VAV2: variants seen among roughly 807,000 people sequenced by gnomAD.
The protein encoded by VAV2 is vav guanine nucleotide exchange factor 2.
VAV2 carries 67 observed loss-of-function variants against 132.5 expected under a neutral mutation model. That is an observed-to-expected ratio of 0.51 (90% confidence interval 0.42 to 0.62). VAV2 has a LOEUF of 0.62. Ranked by LOEUF, VAV2 falls within the 20% of genes least tolerant of loss-of-function variation. The pLI is 0.00. For missense variants in VAV2, 938 were observed against 1,153.6 expected, an observed-to-expected ratio of 0.81 and a Z score of 2.71; for synonymous variants, 492 against 443.5, an observed-to-expected ratio of 1.11 and a Z score of -1.37.
chr9:133,932,696 G>A (rs990837958), intron 2 of VAV2, among the ~76,000 whole-genome samples: 2 of 147,586 alleles, frequency 1.4e-5, no homozygotes, highest in Non-Finnish European at 1.5e-5. Flanking sequence ...TCCAACTCGC[G>A]TCCAGGTCTG....
Position 133,915,097 on chromosome 9 carries a change from C to T in VAV2, c.321+24006G>A, listed in dbSNP as rs534620495. Among the ~76,000 whole-genome samples the T allele has an allele frequency of 4.6e-5, 7 of 152,200 alleles. No homozygotes were observed. The South Asian group carries it at 8.3e-4, about 18-fold the overall frequency. On this transcript the variant is annotated intron_variant, in intron 2 of 29. Coordinates refer to ENST00000371850, the MANE Select transcript of VAV2 (RefSeq NM_001134398.2). Reference sequence around the variant, plus strand: ...ACAGGCCGCTTGGCCGGAAGAGCACCGGCCTGTTCTCCATTAGTGTCCCCT... The same window carrying T: ...ACAGGCCGCTTGGCCGGAAGAGCACTGGCCTGTTCTCCATTAGTGTCCCCT...
At chr9:133,975,643 G>A (rs561715942) in intron 1 of VAV2, among the ~76,000 whole-genome samples, 11 of 152,324 alleles carry the variant, frequency 7.2e-5, no homozygotes, top group Admixed American at 2.6e-4. Context: ...CAAAGTCTCT[G>A]AGCCCCCAGC....
At chr9:133,849,687 G>A (rs1837090973) in intron 3 of VAV2, among the ~76,000 whole-genome samples, 1 of 152,180 alleles carries the variant, frequency 6.6e-6, no homozygotes, top group Non-Finnish European at 1.5e-5. Context: ...AGGCACTGGG[G>A]GAGGGTCCTT....
chr9:133,808,610 G>A (rs1835242918), intron 7 of VAV2, among the ~76,000 whole-genome samples: 1 of 152,224 alleles, frequency 6.6e-6, no homozygotes, highest in Admixed American at 6.5e-5. Context: ...ACTAGGCCGG[G>A]CCATGCCTTG....
chr9:133,902,243 C>T lies in VAV2; in HGVS notation c.321+36860G>A, dbSNP rs1349526399. On this transcript the variant is annotated intron_variant, in intron 2 of 29. Coordinates refer to ENST00000371850, the MANE Select transcript of VAV2 (RefSeq NM_001134398.2). The stretch of plus-strand genomic sequence containing the variant: ...ATCTGCGTCGGACGTGTGAGGACCA[C>T]GCAGGACAATCCACACAACATGCAC... Among the ~76,000 whole-genome samples, 10 of 152,176 alleles carry T rather than the reference C, an allele frequency of 6.6e-5. No individual in the cohort carries two copies. The East Asian group carries it at 1.7e-3, about 26-fold the overall frequency.
At chr9:133,806,320 C>T (rs1343949649) in intron 8 of VAV2, 139 bp from the exon 9 acceptor site, 8 of 697,358 alleles carry the variant, frequency 1.1e-5, no homozygotes, top group Non-Finnish European at 1.9e-5. Context: ...CACCCCACAT[C>T]TCTGTGCATG....
At chr9:133,899,033 G>A (rs1839335557) in intron 2 of VAV2, among the ~76,000 whole-genome samples, 1 of 151,884 alleles carries the variant, frequency 6.6e-6, no homozygotes, top group African/African-American at 2.4e-5. Flanking sequence ...ACGTTAGCCA[G>A]GATGGTCTCG....
chr9:133,962,576 C>T (rs1032405382), intron 1 of VAV2, among the ~76,000 whole-genome samples: 3 of 152,266 alleles, frequency 2.0e-5, no homozygotes, highest in Admixed American at 1.3e-4. Context: ...CCCACCCAGG[C>T]CTGGCTCCAG....
At chr9:133,892,197 G>A (rs1839005158) in intron 2 of VAV2, among the ~76,000 whole-genome samples, 1 of 143,644 alleles carries the variant, frequency 7.0e-6, no homozygotes, top group African/African-American at 2.6e-5. Context: ...GGGGGATAAA[G>A]GGGAGATGAG....
chr9:133,888,125 G>A (rs1036323721), intron 2 of VAV2, among the ~76,000 whole-genome samples: 11 of 152,182 alleles, frequency 7.2e-5, no homozygotes, highest in South Asian at 2.1e-4. Context: ...GGAGGTCCCC[G>A]CAGGACTCTC....
chr9:133,818,295 G>A (rs530937134), intron 4 of VAV2, among the ~76,000 whole-genome samples: 25 of 151,546 alleles, frequency 1.6e-4, no homozygotes, highest in South Asian at 2.1e-4. Flanking sequence ...GAACCTGGGA[G>A]GCAGAGCTTG....
At chr9:133,809,308 C>T (rs1392840129) in intron 6 of VAV2, among the ~76,000 whole-genome samples, 170 bp from the exon 7 acceptor site, 1 of 152,164 alleles carries the variant, frequency 6.6e-6, no homozygotes, top group Non-Finnish European at 1.5e-5. Flanking sequence ...AGAGGGCCAA[C>T]CCCTTCCCAT....
At chr9:133,779,861 C>T (rs564995153) in intron 21 of VAV2, 57 bp downstream of exon 21, 2 of 1,595,742 alleles carry the variant, frequency 1.3e-6, no homozygotes, top group African/African-American at 2.7e-5. Context: ...CCTGGCTCAG[C>T]TCCCAGGTGA....
intron 1 of VAV2, among the ~76,000 whole-genome samples, chr9:133,976,064 A>G (rs888767996): frequency 2.0e-5 from 3 of 151,848 alleles, no homozygotes; most frequent in East Asian, 3.9e-4. Context: ...AAAATTAGCC[A>G]GGCGTGGTGG....
In VAV2 at chr9:133,932,748, G is replaced by A. The variant is rs1050735397; in HGVS notation, c.321+6355C>T. The stretch of plus-strand genomic sequence containing the variant: ...CACCCGCCTGCCTCCTCCAGGGCCC[G>A]CCTGGCTCCACCGAGCCTGGATGAG... On this transcript the variant is annotated intron_variant, in intron 2 of 29. Coordinates refer to ENST00000371850, the MANE Select transcript of VAV2 (RefSeq NM_001134398.2). Among the ~76,000 whole-genome samples, 6 of 152,080 alleles carry A rather than the reference G, an allele frequency of 3.9e-5. No homozygotes were observed. The East Asian group carries it at 7.7e-4, about 20-fold the overall frequency.
chr9:133,788,329 GC>G lies in VAV2; in HGVS notation c.1407+24del, dbSNP rs1166326928. 1.3e-6 allele frequency: 2 copies of G among 1,586,976 alleles called. No individual in the cohort carries two copies. Among genetic ancestry groups the G allele is most frequent in the Admixed American group, 1.7e-5 (1 of 59,464 alleles). ...CAGGCCACCCCCACGTTCCTGGGTA[GC>G]AGGGGGGACCCGGAAGGCCCCACCT... On this transcript the variant is annotated intron_variant, in intron 15 of 29. Transcript: ENST00000371850. This position sits in a 1 kb window ranked among gnomAD's most constrained non-coding sequence, Gnocchi z 5.3.
chr9:133,975,173 T>TA (rs972593729), intron 1 of VAV2, among the ~76,000 whole-genome samples: 3 of 152,070 alleles, frequency 2.0e-5, no homozygotes, highest in Non-Finnish European at 4.4e-5. Flanking sequence ...CCCATCCCCT[T>TA]ACTAGGAAAG....
chr9:133,893,538 C>A (rs1839068430), intron 2 of VAV2, among the ~76,000 whole-genome samples: 1 of 152,192 alleles, frequency 6.6e-6, no homozygotes, highest in South Asian at 2.1e-4. Flanking sequence ...AAAGCAAAAT[C>A]TAGACAAAGG....
At chr9:133,770,255 G>A (rs1411305228) in intron 27 of VAV2, 123 bp downstream of exon 27, 13 of 1,458,410 alleles carry the variant, frequency 8.9e-6, no homozygotes, top group Non-Finnish European at 1.0e-5. Flanking sequence ...AGGGGCGGGG[G>A]CTGTGTTCCC....
Sources: gnomAD v4.1 joint callset for allele counts (sites outside exome capture counted in the v4.1 genomes callset) on GRCh38, gnomAD v4.1.1 for gene constraint, Gnocchi (gnomAD v3.1) non-coding constraint, MANE v1.5 for transcripts, NCBI Gene and HGNC (gene_info 2026-07-23, HGNC 2026-07-21) for gene names.